NCAPD2: variants seen among roughly 807,000 people sequenced by gnomAD.
The protein encoded by NCAPD2 is condensin complex subunit 1.
A neutral mutation model predicts 164.5 loss-of-function variants in NCAPD2; 100 were observed. The observed-to-expected ratio is 0.61, with a 90% CI of 0.52 to 0.72. The LOEUF (loss-of-function observed/expected upper bound fraction) is 0.72, where lower values mean the gene tolerates loss of function less well. Among genes scored for constraint, NCAPD2 ranks in the 30% least tolerant of loss-of-function variants. The pLI is 0.00. For missense variants in NCAPD2, 1,560 were observed against 1,749.2 expected (o/e 0.89, Z 1.93); for synonymous variants, 585 against 642.6 (o/e 0.91, Z 1.36).
chr12:6,530,027 C>T (rs761720259), intron 29 of NCAPD2, 69 bp downstream of exon 29: 56 of 1,516,738 alleles, frequency 3.7e-5, no homozygotes, highest in Non-Finnish European at 4.9e-5. Flanking sequence ...CGGCCCTGGG[C>T]AGCATACGGC....
At chr12:6,524,076 G>T (rs1946293075) in intron 17 of NCAPD2, among the ~76,000 whole-genome samples, 1 of 152,156 alleles carries the variant, frequency 6.6e-6, no homozygotes, top group Non-Finnish European at 1.5e-5. Flanking sequence ...GCTAGTTAGT[G>T]GCAAAGTTTG....
chr12:6,498,797 G>A (rs921643592), intron 2 of NCAPD2, among the ~76,000 whole-genome samples: 9 of 151,968 alleles, frequency 5.9e-5, no homozygotes, highest in Non-Finnish European at 1.2e-4. Flanking sequence ...TAGTAGAGAC[G>A]GGTTTCACCA....
chr12:6,513,756 C>T (rs747135791), intron 6 of NCAPD2, among the ~76,000 whole-genome samples: 27 of 105,670 alleles, frequency 2.6e-4, no homozygotes, highest in Non-Finnish European at 4.0e-4. Flanking sequence ...CGCAATGTCG[C>T]CTGGCCTGGA....
Position 6,527,729 on chromosome 12 carries a change from A to G in NCAPD2, c.2908-48A>G, listed in dbSNP as rs1019410580. The G allele has an allele frequency of 3.9e-6, 6 of 1,550,938 alleles. No individual in the cohort carries two copies. In the Admixed American group the frequency reaches 9.2e-5, roughly 24 times the overall value. On this transcript the variant is annotated intron_variant, in intron 22 of 31. Coordinates refer to ENST00000315579, the MANE Select transcript of NCAPD2 (RefSeq NM_014865.4). ...CAAAACAAAGTATGGGCTGGAATCA[A>G]AAATGTTGTCTCTGCTTATCCATGA...
chr12:6,510,419 G>T (rs778155271), intron 4 of NCAPD2: 1 of 792,880 alleles, frequency 1.3e-6, no homozygotes, highest in Admixed American at 1.7e-5. Context: ...TTGCTGGAGA[G>T]AAATTGTGGT....
rs1392784516 is a variant in NCAPD2 at position 6,526,918 on chromosome 12, T to C, written c.2762T>C (p.Phe921Ser). The change falls in exon 22 of 32, where the codon TTC becomes TCC. Residue 921 changes from phenylalanine to serine, a missense_variant. Phe to Ser is a radical substitution (Grantham distance 155, BLOSUM62 -2). Transcript: ENST00000315579. ...PKESPAMLPT[F>S]LLMNLLSLAG... The stretch of plus-strand genomic sequence containing the variant: ...GAGTCCCCCGCAATGCTCCCCACTT[T>C]CCTGTTGATGAACCTGCTGTCCCTG... 6.2e-7 allele frequency: 1 copy of C among 1,613,690 alleles called. No homozygotes were observed. The highest frequency in any genetic ancestry group is 1.3e-5 in the African/African-American group (1 of 74,912).
chr12:6,529,697 C>G lies in NCAPD2; in HGVS notation c.3654-78C>G. On this transcript the variant is annotated intron_variant, in intron 28 of 31. Coordinates refer to ENST00000315579, the MANE Select transcript of NCAPD2 (RefSeq NM_014865.4). ...TGCCCCCACTGTGGCATCCCTGGGACTGGGGAGGCTGATGGGGAAGGTTGA... is the reference window on the plus strand; with the variant it reads ...TGCCCCCACTGTGGCATCCCTGGGAGTGGGGAGGCTGATGGGGAAGGTTGA... The G allele has an allele frequency of 2.5e-6, 4 of 1,600,182 alleles. No individual in the cohort carries two copies. In the South Asian group the frequency reaches 4.4e-5, roughly 18 times the overall value.
rs1005844086 is a variant in NCAPD2 at position 6,528,584 on chromosome 12, C to T, written c.3300-95C>T. ...TCTGACTGCTTCTGGAGTGGCAGAGCATGGGATAATTGATTCCTGCTGAGG... is the reference window on the plus strand; with the variant it reads ...TCTGACTGCTTCTGGAGTGGCAGAGTATGGGATAATTGATTCCTGCTGAGG... On this transcript the variant is annotated intron_variant, in intron 25 of 31. Transcript: ENST00000315579. The surrounding 1 kb of genome is among the most constrained non-coding windows in gnomAD (Gnocchi z 5.1). 9 of 1,390,358 alleles carry T rather than the reference C, an allele frequency of 6.5e-6. No individual in the cohort carries two copies. 86.1% of individuals were successfully genotyped at this position (1,390,358 alleles called of 1,614,324 possible).
At position 6,530,766 on chromosome 12, in the gene NCAPD2, A is replaced by G; in HGVS notation, c.3913A>G (p.Ile1305Val). The change falls in exon 30 of 32, where the codon ATT becomes GTT. Residue 1305 changes from isoleucine (I) to valine (V), a missense_variant. By Grantham distance (29) the Ile-to-Val change is conservative. Transcript: ENST00000315579. Reference sequence around the variant, plus strand: ...TTTGGATGGAATCAAGGAGCTTGAGATTGGCCAAGCAGGTAGCCAGAGAGC... The same window carrying G: ...TTTGGATGGAATCAAGGAGCTTGAGGTTGGCCAAGCAGGTAGCCAGAGAGC... ...RGLDGIKELE[I>V]GQAGSQRAPS... 6.2e-7 allele frequency: 1 copy of G among 1,614,158 alleles called. No individual in the cohort carries two copies. Among genetic ancestry groups the G allele is most frequent in the African/African-American group, 1.3e-5 (1 of 75,022 alleles).
At chr12:6,527,191 C>T in intron 22 of NCAPD2, 128 bp downstream of exon 22, 1 of 1,016,734 alleles carries the variant, frequency 9.8e-7, no homozygotes, top group South Asian at 1.9e-5. Context: ...CTCTCTGTGG[C>T]TACTACCGTA....
intron 2 of NCAPD2, among the ~76,000 whole-genome samples, chr12:6,497,939 CT>C (rs1221298200): frequency 2.2e-5 from 3 of 134,104 alleles, no homozygotes; most frequent in African/African-American, 8.5e-5. Context: ...TTTAAAGAGT[CT>C]TTTGTTTTTT....
chr12:6,523,919 TATATG>T (rs1949655067), intron 17 of NCAPD2, among the ~76,000 whole-genome samples: 2 of 152,288 alleles, frequency 1.3e-5, no homozygotes, highest in African/African-American at 4.8e-5. Context: ...CAACCTCACT[TATATG>T]GTATTGAATA....
rs58563520 is a variant in NCAPD2, at chr12:6,503,008, C to CTT, written c.128-6689_128-6688dup. Among the ~76,000 whole-genome samples the CTT allele has an allele frequency of 3.7e-3, 319 of 86,306 alleles. 5 individuals are homozygous for CTT. The highest frequency in any genetic ancestry group is 5.2e-3 in the Non-Finnish European group (226 of 43,712). 56.6% of individuals were successfully genotyped at this position (86,306 alleles called of 152,430 possible). A position where few individuals can be genotyped will look rare whatever the true frequency, so the allele number is the denominator to read the frequency against. On this transcript the variant is annotated intron_variant, in intron 2 of 31. Coordinates refer to ENST00000315579, the MANE Select transcript of NCAPD2 (RefSeq NM_014865.4). ...TACAGGCGCATGCCACCACACCTGG[C>CTT]TTTTTTTTTTTTTTTTTTTTTGTAT...
chr12:6,526,257 C>T, intron 19 of NCAPD2, 30 bp from the exon 20 acceptor site: 2 of 1,614,134 alleles, frequency 1.2e-6, no homozygotes. Context: ...CCACCCTGTA[C>T]ACACACCCAC....
At chr12:6,520,663 A>C (rs1318453302) in intron 13 of NCAPD2, among the ~76,000 whole-genome samples, 1 of 152,224 alleles carries the variant, frequency 6.6e-6, no homozygotes, top group Non-Finnish European at 1.5e-5. Context: ...AAACTTAGGA[A>C]AGTTTTTAAA....
rs1327283750 is a variant in NCAPD2, at chr12:6,521,962, G to A, written c.1879G>A (p.Ala627Thr). The A allele has an allele frequency of 6.2e-7, 1 of 1,614,142 alleles. No individual in the cohort carries two copies. Among genetic ancestry groups the A allele is most frequent in the South Asian group, 1.1e-5 (1 of 91,082 alleles). The change falls in exon 15 of 32, where the codon GCC (alanine) becomes ACC (threonine). Residue 627 changes from alanine (A) to threonine (T), a missense_variant. By Grantham distance (58) the Ala-to-Thr change is moderately conservative. Transcript: ENST00000315579. ...QEMLVQYLQD[A>T]YSFSRKITEA... is the part of the protein sequence containing the mutation. The stretch of plus-strand genomic sequence containing the variant: ...GATGCTGGTACAGTATCTGCAGGAT[G>A]CCTACAGCTTCTCCCGGAAGATTAC...
chr12:6,531,435 G>A lies in NCAPD2; in HGVS notation c.*23G>A. On this transcript the variant is annotated 3_prime_UTR_variant, in exon 32 of 32. Transcript: ENST00000315579. The surrounding 1 kb of genome is among the most constrained non-coding windows in gnomAD (Gnocchi z 4.1). ...TAGGAAGTCTGTTCCTGTCCTCCCT[G>A]TGCAGGGTATCCTGTAGGGTGACCT... 6.2e-7 allele frequency: 1 copy of A among 1,612,286 alleles called. No homozygotes were observed. Among genetic ancestry groups the A allele is most frequent in the East Asian group, 2.2e-5 (1 of 44,870 alleles).
rs1468168963 is a variant in NCAPD2 at position 6,528,802 on chromosome 12, C to A, written c.3423C>A (p.Pro1141=). 1 of 1,614,082 alleles carries A rather than the reference C, an allele frequency of 6.2e-7. No homozygotes were observed. The highest frequency in any genetic ancestry group is 1.1e-5 in the South Asian group (1 of 91,080). Residue 1141 remains proline (P), a synonymous_variant, in exon 26 of 32, where the codon CCC becomes CCA. Transcript: ENST00000315579. The surrounding 1 kb of genome is among the most constrained non-coding windows in gnomAD (Gnocchi z 5.1). The part of the protein sequence containing the change: ...VSEMAVLLID[P]EPQIAALAKN... ...AGATGGCGGTGCTGCTCATCGACCCCGAGCCTCAGATTGCTGCCCTGGCCA... is the reference window on the plus strand; with the variant it reads ...AGATGGCGGTGCTGCTCATCGACCCAGAGCCTCAGATTGCTGCCCTGGCCA...
At position 6,510,137 on chromosome 12, in the gene NCAPD2, T is replaced by G; in HGVS notation, c.262+4T>G. ...ACTCTGCAATTCCTGATAAAAGGTG[T>G]TTATGGGTCAGGGGGTAGGGGATGG... On this transcript the variant is annotated splice_donor_region_variant and intron_variant, in intron 4 of 31. Coordinates refer to ENST00000315579, the MANE Select transcript of NCAPD2 (RefSeq NM_014865.4). The G allele has an allele frequency of 6.2e-7, 1 of 1,606,152 alleles. No homozygotes were observed. The highest frequency in any genetic ancestry group is 1.7e-5 in the Admixed American group (1 of 59,998).
Sources: gnomAD v4.1 joint callset for allele counts (sites outside exome capture counted in the v4.1 genomes callset) on GRCh38, gnomAD v4.1.1 for gene constraint, Gnocchi (gnomAD v3.1) non-coding constraint, MANE v1.5 for transcripts, NCBI Gene and HGNC (gene_info 2026-07-23, HGNC 2026-07-21) for gene names.